Variants in DGKA observed in about 807,000 individuals in gnomAD.
DGKA encodes the protein 80 kDa diacylglycerol kinase.
In DGKA, 35 loss-of-function variants were observed where a neutral mutation model predicts 105.0. That is an observed-to-expected ratio of 0.33 (90% CI 0.25 to 0.44). DGKA has a LOEUF of 0.44. Among genes scored for constraint, DGKA ranks in the 20% least tolerant of loss-of-function variants. DGKA has a pLI of 1.00. For synonymous variants in DGKA, 296 were observed against 332.0 expected (o/e 0.89, Z 1.18); for missense variants, 665 against 915.0 (o/e 0.73, Z 3.53).
chr12:55,931,747 G>T (rs1385845541), intron 1 of DGKA: 1 of 152,326 alleles, frequency 6.6e-6, no homozygotes, highest in Non-Finnish European at 1.5e-5. Flanking sequence ...CCAGGTTTGG[G>T]ATGAAGGGAG....
chr12:55,951,503 G>C, intron 17 of DGKA, 120 bp from the exon 18 acceptor site: 1 of 1,056,936 alleles, frequency 9.5e-7, no homozygotes, highest in Non-Finnish European at 1.4e-6. Context: ...TCACTGGCTA[G>C]GGCTGGGAGG....
intron 6 of DGKA, 24 bp downstream of exon 6, chr12:55,938,584 G>A (rs1181432890): frequency 1.2e-6 from 2 of 1,613,984 alleles, no homozygotes; most frequent in South Asian, 1.1e-5. Flanking sequence ...CCTGTATGCT[G>A]GGCAAGGGAA....
upstream of DGKA, chr12:55,927,504 G>A: frequency 1.5e-6 from 1 of 688,186 alleles, no homozygotes. Context: ...CCAGGCTCTG[G>A]CCTGCACCCA....
At chr12:55,944,654 TG>T (rs56730987) in intron 17 of DGKA, among the ~76,000 whole-genome samples, 7,193 of 152,108 alleles carry the variant, frequency 0.047, 572 homozygotes, top group African/African-American at 0.17. Flanking sequence ...GCAGCAGCAG[TG>T]GAGTTAATGA....
chr12:55,927,455 C>T (rs1287496709), upstream of DGKA: 5 of 692,116 alleles, frequency 7.2e-6, no homozygotes, highest in Admixed American at 2.3e-5. Context: ...CCACCTGCAC[C>T]CAAAAAGGGG....
rs758322445 is a variant in DGKA, at chr12:55,940,579, A to G, written c.919-45A>G. On this transcript the variant is annotated intron_variant, in intron 11 of 23. Coordinates refer to ENST00000331886, the MANE Select transcript of DGKA (RefSeq NM_001345.5). The surrounding 1 kb of genome is among the most constrained non-coding windows in gnomAD (Gnocchi z 4.3). ...GCCCAGACTGCCAGGTTGAGAGGAG[A>G]CAGGGTTACCTTCGTGATCTCTCTG... 2 of 1,555,450 alleles carry G rather than the reference A, an allele frequency of 1.3e-6. No individual in the cohort carries two copies. Among genetic ancestry groups the G allele is most frequent in the East Asian group, 4.5e-5 (2 of 44,438 alleles).
At chr12:55,939,045 G>C (rs1565738805) in intron 7 of DGKA, 56 bp downstream of exon 7, 1 of 1,611,252 alleles carries the variant, frequency 6.2e-7, no homozygotes, top group South Asian at 1.1e-5. Context: ...GGTGAGTCCT[G>C]CATCTGCCTT....
intron 6 of DGKA, 90 bp from the exon 7 acceptor site, chr12:55,938,825 G>A (rs1303979085): frequency 6.3e-7 from 1 of 1,578,340 alleles, no homozygotes; most frequent in African/African-American, 1.3e-5. Context: ...TGAATCTGGG[G>A]TGGAACCCAG....
chr12:55,937,711 A>C (rs575578718), intron 4 of DGKA, among the ~76,000 whole-genome samples, 168 bp downstream of exon 4: 1 of 152,226 alleles, frequency 6.6e-6, no homozygotes, highest in African/African-American at 2.4e-5. Flanking sequence ...TAAAGGGGAA[A>C]GGTAAGTCGA....
At chr12:55,938,347 T>C in intron 5 of DGKA, 164 bp from the exon 6 acceptor site, 2 of 878,342 alleles carry the variant, frequency 2.3e-6, no homozygotes, top group Non-Finnish European at 3.7e-6. Context: ...GTAGAGTCCA[T>C]GCCTGTTTTC....
intron 17 of DGKA, among the ~76,000 whole-genome samples, chr12:55,948,172 C>T (rs914579722): frequency 2.0e-4 from 31 of 151,502 alleles, no homozygotes; most frequent in Non-Finnish European, 3.0e-4. Context: ...GAGGCCAAGG[C>T]GGGTGGATCA....
At chr12:55,953,219 G>C in intron 22 of DGKA, 59 bp downstream of exon 22, 9 of 1,612,846 alleles carry the variant, frequency 5.6e-6, no homozygotes, top group Non-Finnish European at 6.8e-6. Context: ...CAGCAGAAGG[G>C]TCATGGGAAT....
At chr12:55,928,040 T>G (rs534763591), upstream of DGKA, 35 of 497,930 alleles carry the variant, frequency 7.0e-5, 1 homozygote, top group South Asian at 9.6e-4. Flanking sequence ...TGTCACTCCA[T>G]TTGTAGTCCT....
intron 9 of DGKA, 105 bp from the exon 10 acceptor site, chr12:55,939,977 C>T (rs1885559347): frequency 9.6e-7 from 1 of 1,045,414 alleles, no homozygotes. Context: ...TTCTGCTACA[C>T]CCTCAAGCAA....
chr12:55,935,163 G>C (rs1884387690), intron 1 of DGKA: 3 of 152,208 alleles, frequency 2.0e-5, no homozygotes, highest in African/African-American at 7.2e-5. Context: ...CTGATGATTT[G>C]ATTCTAATTG....
At chr12:55,939,067 G>T in intron 7 of DGKA, 78 bp downstream of exon 7, 1 of 1,608,664 alleles carries the variant, frequency 6.2e-7, no homozygotes, top group Non-Finnish European at 8.5e-7. Context: ...CTTCATCTCT[G>T]ACAGGCAACC....
intron 13 of DGKA, 46 bp from the exon 14 acceptor site, chr12:55,941,206 G>A (rs1885907383): frequency 6.3e-7 from 1 of 1,584,800 alleles, no homozygotes; most frequent in Admixed American, 1.7e-5. Context: ...CCTTAACTCT[G>A]ACAAAATCCT....
rs763474382 is a variant in DGKA, at chr12:55,951,643, GC to G, written c.1448del (p.Ala483GlufsTer7). ...CCTAGGTTATGAAGGACAGAATCTG[GC>G]AAAGATCCTCAAGGATTTAGAGATG... ...WGGGYEGQNL[A>X]KILKDLEMSK... On this transcript the variant is annotated frameshift_variant, in exon 18 of 24. Transcript: ENST00000331886. LOFTEE classifies it high-confidence loss of function. 1.9e-6 allele frequency: 3 copies of G among 1,613,882 alleles called. No homozygotes were observed. Among genetic ancestry groups the G allele is most frequent in the Non-Finnish European group, 2.5e-6 (3 of 1,180,006 alleles).
Position 55,941,533 on chromosome 12 carries a change from T to G in DGKA, c.1199T>G (p.Ile400Arg). The G allele has an allele frequency of 6.2e-7, 1 of 1,614,126 alleles. No homozygotes were observed. Among genetic ancestry groups the G allele is most frequent in the Middle Eastern group, 1.7e-4 (1 of 6,060 alleles). ...AGGGTGCTCTGGAAGTTCCAGTATA[T>G]ATTAAACCCTCGACAGGTGTTCAAC... ...GQRVLWKFQY[I>R]LNPRQVFNLL... is the part of the protein sequence containing the mutation. The change falls in exon 15 of 24, where the codon ATA (isoleucine) becomes AGA (arginine). Residue 400 changes from isoleucine (I) to arginine (R), a missense_variant. Physicochemically the swap from Ile to Arg is moderately conservative, Grantham distance 97. Around this residue, in one of 3 missense-constraint regions of DGKA, gnomAD observed 504 missense variants for 681.2 expected, o/e 0.74. Coordinates refer to ENST00000331886, the MANE Select transcript of DGKA (RefSeq NM_001345.5).
Sources: allele counts gnomAD v4.1 joint callset (sites outside exome capture counted in the v4.1 genomes callset), GRCh38; gene constraint gnomAD v4.1.1; regional missense constraint gnomAD v4.1.1; non-coding constraint Gnocchi (gnomAD v3.1); transcripts MANE v1.5; gene names NCBI Gene and HGNC (gene_info 2026-07-23, HGNC 2026-07-21).